KCNQ1OT1: variants seen among roughly 807,000 people sequenced by gnomAD.
KCNQ1OT1 encodes KCNQ1 opposite strand/antisense transcript 1, also known as KCNQ1 antisense RNA 2 (non-protein coding).
At chr11:2,609,858 A>G (rs1321699867) in exon 1 of KCNQ1OT1, 3 of 398,180 alleles carry the variant, frequency 7.5e-6, no homozygotes, top group Non-Finnish European at 8.9e-6. Context: ...GTTGCTGCTT[A>G]CATGATATAT....
In KCNQ1OT1 at chr11:2,664,661, C is replaced by T. The variant is rs1001396182; in HGVS notation, n.35334G>A. ...CGGCTCCAGCTGCTCAGGGATGCAGCGAAGCTCCTGTGGGCAGCCTGGCCC... is the reference window on the plus strand; with the variant it reads ...CGGCTCCAGCTGCTCAGGGATGCAGTGAAGCTCCTGTGGGCAGCCTGGCCC... On this transcript the variant is annotated non_coding_transcript_exon_variant, in exon 1 of 1. Transcript: ENST00000597346. This position sits in a 1 kb window ranked among gnomAD's most constrained non-coding sequence, Gnocchi z 5.1. 2.3e-5 allele frequency: 9 copies of T among 398,710 alleles called. No homozygotes were observed. The highest frequency in any genetic ancestry group is 1.3e-4 in the South Asian group (1 of 7,868). 24.7% of individuals were successfully genotyped at this position (398,710 alleles called of 1,614,324 possible). A position where few individuals can be genotyped will look rare whatever the true frequency, so the allele number is the denominator to read the frequency against.
At position 2,651,682 on chromosome 11, in the gene KCNQ1OT1, C is replaced by T. The variant is rs1451352108; in HGVS notation, n.48313G>A. 1 of 398,534 alleles carries T rather than the reference C, an allele frequency of 2.5e-6. No individual in the cohort carries two copies. The highest frequency in any genetic ancestry group is 4.4e-6 in the Non-Finnish European group (1 of 226,100). 24.7% of individuals were successfully genotyped at this position (398,534 alleles called of 1,614,324 possible). A position where few individuals can be genotyped will look rare whatever the true frequency, so the allele number is the denominator to read the frequency against. ...TCACTGACATTAGCCACGTGGCCCT[C>T]TGTTTCCTGTAATAGGCCATTTCCT... On this transcript the variant is annotated non_coding_transcript_exon_variant, in exon 1 of 1. Coordinates refer to ENST00000597346, the Ensembl canonical transcript of KCNQ1OT1. This position sits in a 1 kb window ranked among gnomAD's most constrained non-coding sequence, Gnocchi z 6.1.
At chr11:2,689,061 C>T (rs2133889783) in exon 1 of KCNQ1OT1, 1 of 398,878 alleles carries the variant, frequency 2.5e-6, no homozygotes, top group East Asian at 3.6e-5. Flanking sequence ...GTTACCTCCT[C>T]CTCCCCGGTG....
At chr11:2,632,200 A>AG (rs1325918089) in exon 1 of KCNQ1OT1, 21 of 397,830 alleles carry the variant, frequency 5.3e-5, no homozygotes, top group East Asian at 3.6e-4. Context: ...AAAAAAAAAA[A>AG]AAAGAAATGC....
At chr11:2,685,197 A>T (rs1850463917) in exon 1 of KCNQ1OT1, 3 of 398,612 alleles carry the variant, frequency 7.5e-6, no homozygotes, top group Non-Finnish European at 1.3e-5. Context: ...CTTCGTGGGG[A>T]TGGCTGGCAC....
At position 2,685,735 on chromosome 11, in the gene KCNQ1OT1, G is replaced by A. The variant is rs1029724201; in HGVS notation, n.14260C>T. On this transcript the variant is annotated non_coding_transcript_exon_variant, in exon 1 of 1. Transcript: ENST00000597346. ...AGGGAGGGTGCTCTGACAGTCCGCCGAAATGGCCAGCAGGCAGGCATCCTC... is the reference window on the plus strand; with the variant it reads ...AGGGAGGGTGCTCTGACAGTCCGCCAAAATGGCCAGCAGGCAGGCATCCTC... The A allele has an allele frequency of 1.7e-4, 69 of 398,694 alleles. No homozygotes were observed. Among genetic ancestry groups the A allele is most frequent in the Non-Finnish European group, 2.5e-4 (57 of 226,122 alleles). 24.7% of individuals were successfully genotyped at this position (398,694 alleles called of 1,614,324 possible). A position where few individuals can be genotyped will look rare whatever the true frequency, so the allele number is the denominator to read the frequency against.
rs1848989323 is a variant in KCNQ1OT1, at chr11:2,612,270, G to A, written n.87725C>T. 1.8e-5 allele frequency: 7 copies of A among 398,474 alleles called. No individual in the cohort carries two copies. Among genetic ancestry groups the A allele is most frequent in the Admixed American group, 4.4e-5 (1 of 22,716 alleles). 24.7% of individuals were successfully genotyped at this position (398,474 alleles called of 1,614,324 possible). ...CAGAGAGCAAATCCTATTGTGAACT[G>A]AGCATGTGAGGGATCTAGGTTGTGC... is the stretch of plus-strand genomic sequence containing the variant. On this transcript the variant is annotated non_coding_transcript_exon_variant, in exon 1 of 1. Transcript: ENST00000597346. The surrounding 1 kb of genome is among the most constrained non-coding windows in gnomAD (Gnocchi z 5.5).
chr11:2,628,864 AAG>A (rs1849305409), exon 1 of KCNQ1OT1: 1 of 398,306 alleles, frequency 2.5e-6, no homozygotes, highest in Non-Finnish European at 4.4e-6. Context: ...CCATTTATTC[AAG>A]AGAGTACCCT....
chr11:2,693,054 A>G lies in KCNQ1OT1; in HGVS notation n.6941T>C. The G allele has an allele frequency of 2.3e-5, 9 of 398,658 alleles. No individual in the cohort carries two copies. The Middle Eastern group carries it at 1.9e-3, about 84-fold the overall frequency. 24.7% of individuals were successfully genotyped at this position (398,658 alleles called of 1,614,324 possible). ...TCCTTTCTGGAGCAGGGGGAGAGAA[A>G]GGCATCCAGTTAGCCATAGAGGGGA... On this transcript the variant is annotated non_coding_transcript_exon_variant, in exon 1 of 1. Coordinates refer to ENST00000597346, the Ensembl canonical transcript of KCNQ1OT1.
chr11:2,635,725 C>A (rs1394632733), exon 1 of KCNQ1OT1: 2 of 152,118 alleles, frequency 1.3e-5, no homozygotes, highest in East Asian at 3.8e-4. Context: ...TGAAGAAAGT[C>A]ATTGGTAGCT....
At chr11:2,643,238 G>A (rs898962208) in exon 1 of KCNQ1OT1, 3 of 398,124 alleles carry the variant, frequency 7.5e-6, no homozygotes, top group African/African-American at 6.2e-5. Context: ...TAGATGATCT[G>A]TCTAATACTG....
At chr11:2,632,948 C>CA in exon 1 of KCNQ1OT1, 2 of 398,442 alleles carry the variant, frequency 5.0e-6, no homozygotes, top group Non-Finnish European at 8.8e-6. Flanking sequence ...AGTGGATTGT[C>CA]AAACTGTATG....
rs905501661 is a variant in KCNQ1OT1 at position 2,679,501 on chromosome 11, G to A, written n.20494C>T. On this transcript the variant is annotated non_coding_transcript_exon_variant, in exon 1 of 1. Transcript: ENST00000597346. This position sits in a 1 kb window ranked among gnomAD's most constrained non-coding sequence, Gnocchi z 4.8. The stretch of plus-strand genomic sequence containing the variant: ...GTGCCTGTCCTATAGTAGTGACACA[G>A]TGTTACTTAAATGTATTGCTATACC... The A allele has an allele frequency of 7.5e-6, 3 of 398,430 alleles. No individual in the cohort carries two copies. The highest frequency in any genetic ancestry group is 1.3e-4 in the South Asian group (1 of 7,856). The allele number at this position is 398,430 out of a possible 1,614,324, so 24.7% of individuals were successfully genotyped here.
rs562743119 is a variant in KCNQ1OT1 at position 2,655,790 on chromosome 11, G to C, written n.44205C>G. On this transcript the variant is annotated non_coding_transcript_exon_variant, in exon 1 of 1. Transcript: ENST00000597346. Reference sequence around the variant, plus strand: ...CTGGTCACTGCCTCCCTGTGGTGGAGAAAGCACGCCCCACAGTCTCCAACA... The same window carrying C: ...CTGGTCACTGCCTCCCTGTGGTGGACAAAGCACGCCCCACAGTCTCCAACA... 114 of 398,510 alleles carry C rather than the reference G, an allele frequency of 2.9e-4. 1 individual carries two copies. In the South Asian group the frequency reaches 4.8e-3, roughly 17 times the overall value. The allele number at this position is 398,510 out of a possible 1,614,324, so 24.7% of individuals were successfully genotyped here.
chr11:2,682,588 C>T lies in KCNQ1OT1; in HGVS notation n.17407G>A. 1 of 398,592 alleles carries T rather than the reference C, an allele frequency of 2.5e-6. No homozygotes were observed. The highest frequency in any genetic ancestry group is 4.4e-6 in the Non-Finnish European group (1 of 226,094). The allele number at this position is 398,592 out of a possible 1,614,324, so 24.7% of individuals were successfully genotyped here. A position where few individuals can be genotyped will look rare whatever the true frequency, so the allele number is the denominator to read the frequency against. The stretch of plus-strand genomic sequence containing the variant: ...ATGCTGGGGTTCAGGCAACCCAAGG[C>T]TGGTCTGGAGAGTGTAAGGCTTGAG... On this transcript the variant is annotated non_coding_transcript_exon_variant, in exon 1 of 1. Transcript: ENST00000597346. The surrounding 1 kb of genome is among the most constrained non-coding windows in gnomAD (Gnocchi z 5.8).
exon 1 of KCNQ1OT1, chr11:2,614,006 T>G: frequency 2.5e-6 from 1 of 398,636 alleles, no homozygotes; most frequent in Non-Finnish European, 4.4e-6. Flanking sequence ...CTCATTGCAT[T>G]GCTAAAGTTG....
Position 2,611,729 on chromosome 11 carries a change from G to T in KCNQ1OT1, n.88266C>A. 5.0e-6 allele frequency: 2 copies of T among 398,432 alleles called. No homozygotes were observed. The highest frequency in any genetic ancestry group is 4.4e-6 in the Non-Finnish European group (1 of 226,010). 24.7% of individuals were successfully genotyped at this position (398,432 alleles called of 1,614,324 possible). On this transcript the variant is annotated non_coding_transcript_exon_variant, in exon 1 of 1. Coordinates refer to ENST00000597346, the Ensembl canonical transcript of KCNQ1OT1. This position sits in a 1 kb window ranked among gnomAD's most constrained non-coding sequence, Gnocchi z 5.3. ...TGTAATATAATTATTGATATGGAAG[G>T]ATTTATATCTACCATGTTGTTATTT... is the stretch of plus-strand genomic sequence containing the variant.
chr11:2,652,309 T>C lies in KCNQ1OT1; in HGVS notation n.47686A>G, dbSNP rs1849769662. 2 of 398,536 alleles carry C rather than the reference T, an allele frequency of 5.0e-6. No individual in the cohort carries two copies. The highest frequency in any genetic ancestry group is 4.1e-5 in the African/African-American group (2 of 48,634). 24.7% of individuals were successfully genotyped at this position (398,536 alleles called of 1,614,324 possible). A position where few individuals can be genotyped will look rare whatever the true frequency, so the allele number is the denominator to read the frequency against. On this transcript the variant is annotated non_coding_transcript_exon_variant, in exon 1 of 1. Transcript: ENST00000597346. The surrounding 1 kb of genome is among the most constrained non-coding windows in gnomAD (Gnocchi z 5.9). Reference sequence around the variant, plus strand: ...AAGGCTTCTCCCTCACTAATTGCTTTGATTATTGTGTGAAGTTAAGAACTG... The same window carrying C: ...AAGGCTTCTCCCTCACTAATTGCTTCGATTATTGTGTGAAGTTAAGAACTG...
exon 1 of KCNQ1OT1, chr11:2,694,686 A>ATGCT (rs1166668426): frequency 3.8e-5 from 15 of 398,532 alleles, no homozygotes; most frequent in Non-Finnish European, 6.6e-5. Context: ...GAAGACAGAT[A>ATGCT]TGCTCTCTTG....
Sources: allele counts gnomAD v4.1 joint callset, GRCh38; gene constraint gnomAD v4.1.1; non-coding constraint Gnocchi (gnomAD v3.1); transcripts MANE v1.5; gene names NCBI Gene and HGNC (gene_info 2026-07-23, HGNC 2026-07-21).